Variants in ZNF701 observed in about 807,000 individuals in gnomAD.
ZNF701 encodes zinc finger protein 701.
In ZNF701, 6 loss-of-function variants were observed where a neutral mutation model predicts 7.1. That is an observed-to-expected ratio of 0.84 (90% CI 0.46 to 1.66). ZNF701 has a LOEUF of 1.66. Among genes scored for constraint, ZNF701 ranks in the 40% most tolerant of loss-of-function variants. The pLI is 0.01. For missense variants in ZNF701, 541 were observed against 559.2 expected (o/e 0.97, Z 0.33); for synonymous variants, 166 against 188.2 (o/e 0.88, Z 0.97).
chr19:52,581,429 A>G (rs573457275), intron 3 of ZNF701, among the ~76,000 whole-genome samples: 3 of 152,202 alleles, frequency 2.0e-5, no homozygotes, highest in Middle Eastern at 3.4e-3. Flanking sequence ...CATGTTGGCC[A>G]GGCTGGTCTC....
At chr19:52,588,367 T>C (rs531933833), downstream of ZNF701, 4 of 154,326 alleles carry the variant, frequency 2.6e-5, no homozygotes, top group East Asian at 3.8e-4. Flanking sequence ...ATGCCTGTAA[T>C]CCCAGCTACT....
At chr19:52,596,731 A>C in the ZNF701 span, 3 of 507,730 alleles carry the variant, frequency 5.9e-6, no homozygotes, top group South Asian at 4.4e-5. Context: ...CCTTTGCTCA[A>C]AATTCAGCCC....
At chr19:52,579,360 C>T (rs868058126) in intron 3 of ZNF701, among the ~76,000 whole-genome samples, 1 of 139,924 alleles carries the variant, frequency 7.1e-6, no homozygotes, top group East Asian at 2.0e-4. Context: ...CCCGTCTCTA[C>T]TAAAAATACA....
At chr19:52,589,875 C>A (rs1328851045), downstream of ZNF701, among the ~76,000 whole-genome samples, 1 of 152,076 alleles carries the variant, frequency 6.6e-6, no homozygotes, top group Non-Finnish European at 1.5e-5. Context: ...TCACCTCCAG[C>A]CTTTGTCACC....
the ZNF701 span, chr19:52,595,822 C>G: frequency 2.8e-5 from 45 of 1,610,346 alleles, no homozygotes; most frequent in Non-Finnish European, 3.7e-5. Context: ...TGACAGAAAC[C>G]AAAGAGTTGA....
At chr19:52,577,885 G>A (rs113917100) in intron 3 of ZNF701, among the ~76,000 whole-genome samples, 16,087 of 152,018 alleles carry the variant, frequency 0.11, 998 homozygotes, top group Admixed American at 0.14. Context: ...TGCTCCTCCC[G>A]TACTCCTGGC....
At chr19:52,595,990 C>T in the ZNF701 span, 389 of 1,600,102 alleles carry the variant, frequency 2.4e-4, 1 homozygote, top group South Asian at 9.3e-4. Flanking sequence ...ATGATGCTTC[C>T]TCAGCTTCAA....
At chr19:52,597,385 A>T in the ZNF701 span, 1 of 534,818 alleles carries the variant, frequency 1.9e-6, no homozygotes. Context: ...TGGGCACTCC[A>T]TGCAGAACAT....
intron 3 of ZNF701, among the ~76,000 whole-genome samples, chr19:52,577,980 C>T (rs968708398): frequency 1.9e-4 from 29 of 152,174 alleles, no homozygotes; most frequent in South Asian, 1.0e-3. Flanking sequence ...AAGAGCCGGG[C>T]GCAGTGGCTC....
chr19:52,595,585 A>C, the ZNF701 span: 9 of 959,496 alleles, frequency 9.4e-6, 1 homozygote, highest in East Asian at 2.7e-4. Flanking sequence ...TCTGTACTTA[A>C]TTGGAAACCT....
Position 52,582,364 on chromosome 19 carries a change from A to T in ZNF701, c.305A>T (p.Gln102Leu). 6.2e-7 allele frequency: 1 copy of T among 1,613,924 alleles called. No homozygotes were observed. The highest frequency in any genetic ancestry group is 8.5e-7 in the Non-Finnish European group (1 of 1,179,920). ...KDIHDFVFQW[Q>L]ENETNGHEAL... ...ATTCATGACTTTGTGTTTCAGTGGCAAGAAAATGAAACAAATGGCCATGAA... is the reference window on the plus strand; with the variant it reads ...ATTCATGACTTTGTGTTTCAGTGGCTAGAAAATGAAACAAATGGCCATGAA... The change falls in exon 4 of 4, where the codon CAA becomes CTA. Residue 102 changes from glutamine (Q) to leucine (L), a missense_variant. Coordinates refer to ENST00000391785, the MANE Select transcript of ZNF701 (RefSeq NM_018260.3).
intron 3 of ZNF701, among the ~76,000 whole-genome samples, chr19:52,576,530 ACT>A (rs1367797811): frequency 6.6e-6 from 1 of 151,822 alleles, no homozygotes; most frequent in African/African-American, 2.4e-5. Flanking sequence ...ACAGAGCAAG[ACT>A]CTCTCTCAAA....
chr19:52,581,866 TTC>T (rs1248364036), intron 3 of ZNF701, among the ~76,000 whole-genome samples: 2 of 152,186 alleles, frequency 1.3e-5, no homozygotes, highest in Non-Finnish European at 2.9e-5. Flanking sequence ...ATATATATTT[TTC>T]TCTTCTTTGA....
Position 52,583,688 on chromosome 19 carries a change from C to A in ZNF701, c.*231C>A. 1.1e-6 allele frequency: 1 copy of A among 906,258 alleles called. No individual in the cohort carries two copies. Among genetic ancestry groups the A allele is most frequent in the Non-Finnish European group, 1.8e-6 (1 of 542,932 alleles). 56.1% of individuals were successfully genotyped at this position (906,258 alleles called of 1,614,324 possible). A position where few individuals can be genotyped will look rare whatever the true frequency, so the allele number is the denominator to read the frequency against. ...ACCTGGCCCAACATACTGGAATTCA[C>A]ACTGGAAAGGAACTGTACAAGTGTA... On this transcript the variant is annotated 3_prime_UTR_variant, in exon 4 of 4. Transcript: ENST00000391785.
At chr19:52,592,593 T>G in the ZNF701 span, among the ~76,000 whole-genome samples, 9 of 152,108 alleles carry the variant, frequency 5.9e-5, no homozygotes, top group African/African-American at 2.2e-4. Flanking sequence ...GGTTTTGTGT[T>G]TTTTGTTTCA....
At chr19:52,597,550 A>C in the ZNF701 span, 14 of 366,706 alleles carry the variant, frequency 3.8e-5, no homozygotes, top group South Asian at 2.9e-4. Context: ...TGTTTATGTT[A>C]AGAAGATTGG....
chr19:52,597,672 T>C, the ZNF701 span: 1 of 320,802 alleles, frequency 3.1e-6, no homozygotes, highest in Non-Finnish European at 6.1e-6. Context: ...GGGTGGGACC[T>C]GATTAGAAGG....
chr19:52,591,268 C>T (rs995906541), downstream of ZNF701, among the ~76,000 whole-genome samples: 7 of 152,124 alleles, frequency 4.6e-5, no homozygotes, highest in Admixed American at 1.3e-4. Flanking sequence ...ACTTCTGCCT[C>T]CAGAGTTCTA....
Position 52,586,604 on chromosome 19 carries a change from C to G in ZNF701, c.*3147C>G, listed in dbSNP as rs2060013562. 6.6e-6 allele frequency: 1 copy of G among 152,126 alleles called. No homozygotes were observed. Among genetic ancestry groups the G allele is most frequent in the Non-Finnish European group, 1.5e-5 (1 of 68,040 alleles). 9.4% of individuals were successfully genotyped at this position (152,126 alleles called of 1,614,324 possible). A position where few individuals can be genotyped will look rare whatever the true frequency, so the allele number is the denominator to read the frequency against. On this transcript the variant is annotated 3_prime_UTR_variant, in exon 4 of 4. Transcript: ENST00000391785. The stretch of plus-strand genomic sequence containing the variant: ...GGCCAACGCAGCCTGTTGACCCTTC[C>G]TGGCCATCACATGAAAATCAGCGAC...
Sources: allele counts gnomAD v4.1 joint callset (sites outside exome capture counted in the v4.1 genomes callset), GRCh38; gene constraint gnomAD v4.1.1; transcripts MANE v1.5; gene names NCBI Gene and HGNC (gene_info 2026-07-23, HGNC 2026-07-21).